The following ANOS1 variants were observed in gnomAD, a reference collection of about 807,000 sequenced individuals.
The protein encoded by ANOS1 is anosmin-1.
In ANOS1, 6 loss-of-function variants were observed where a neutral mutation model predicts 59.0. That is an observed-to-expected ratio of 0.10 (90% confidence interval 0.06 to 0.20). The LOEUF (loss-of-function observed/expected upper bound fraction) is 0.20, where lower values mean the gene tolerates loss of function less well. ANOS1 is among the 10% of genes least tolerant of loss of function. The probability of loss-of-function intolerance (pLI) is 1.00; values close to 1 mark genes in which losing one functional copy is unlikely to be tolerated. For synonymous variants in ANOS1, 217 were observed against 223.4 expected (o/e 0.97, Z 0.25); for missense variants, 433 against 542.3 (o/e 0.80, Z 2.00).
At chrX:8,581,456 C>T (rs750948041) in intron 6 of ANOS1, among the ~76,000 whole-genome samples, 1 of 111,773 alleles carries the variant, frequency 8.9e-6, no homozygotes, top group Admixed American at 9.5e-5. Context: ...TAATACAACA[C>T]CCAAAATTTA....
At chrX:8,660,092 A>G (rs1932011009) in intron 2 of ANOS1, among the ~76,000 whole-genome samples, 1 of 110,756 alleles carries the variant, frequency 9.0e-6, no homozygotes, top group Non-Finnish European at 1.9e-5. Flanking sequence ...CTTGACACCC[A>G]CTGAACACAG....
intron 1 of ANOS1, among the ~76,000 whole-genome samples, chrX:8,731,085 G>A (rs1436835599): frequency 1.8e-5 from 2 of 112,261 alleles, no homozygotes; most frequent in Non-Finnish European, 3.8e-5. Context: ...TTTGGGGGAC[G>A]GTTCCCCCGG....
chrX:8,658,314 G>A (rs1931967751), intron 2 of ANOS1, among the ~76,000 whole-genome samples: 1 of 111,675 alleles, frequency 9.0e-6, no homozygotes, highest in Admixed American at 9.5e-5. Context: ...CTTCCAATTA[G>A]CTAGCTCTTC....
intron 3 of ANOS1, 139 bp from the exon 4 acceptor site, chrX:8,597,395 T>G (rs1452762310): frequency 3.7e-6 from 2 of 534,961 alleles, no homozygotes; most frequent in Admixed American, 5.8e-5. Context: ...GTATTTGTTT[T>G]CTTTTCTCCT....
At chrX:8,593,916 CA>C (rs1260678380) in intron 4 of ANOS1, among the ~76,000 whole-genome samples, 1 of 111,636 alleles carries the variant, frequency 9.0e-6, no homozygotes, top group Non-Finnish European at 1.9e-5. Context: ...CTCAGCCTCC[CA>C]AAGTGCTGGG....
chrX:8,657,632 C>T (rs923420346), intron 2 of ANOS1, among the ~76,000 whole-genome samples: 3 of 109,751 alleles, frequency 2.7e-5, no homozygotes, highest in African/African-American at 1.0e-4. Flanking sequence ...CCACGCCAAA[C>T]AGATTTTTGT....
chrX:8,729,492 G>A (rs1218258514), intron 1 of ANOS1, among the ~76,000 whole-genome samples: 1 of 94,130 alleles, frequency 1.1e-5, no homozygotes, highest in Non-Finnish European at 2.1e-5. Context: ...GCTGCCTCCC[G>A]GGTTCAAGGA....
At position 8,638,126 on chromosome X, in the gene ANOS1, C is replaced by G. The variant is rs1030609451; in HGVS notation, c.256-14456G>C. ...AGCCTAGAGTCCATTCCTTCAACAC[C>G]TCTAATCATTTTAGAAGCATCTAAT... On this transcript the variant is annotated intron_variant, in intron 2 of 13. Transcript: ENST00000262648. 2.1e-4 allele frequency among the ~76,000 whole-genome samples: 23 copies of G among 111,803 alleles called. 1 individual carries two copies. The highest frequency in any genetic ancestry group is 7.5e-4 in the African/African-American group (23 of 30,747).
intron 8 of ANOS1, 63 bp downstream of exon 8, chrX:8,568,169 C>T: frequency 8.9e-7 from 1 of 1,128,408 alleles, no homozygotes; most frequent in Non-Finnish European, 1.2e-6. Context: ...TCCATTGTGC[C>T]TTGTTGTGAT....
chrX:8,640,519 G>T (rs1330397879), intron 2 of ANOS1, among the ~76,000 whole-genome samples: 1 of 98,837 alleles, frequency 1.0e-5, no homozygotes, highest in East Asian at 3.1e-4. Flanking sequence ...GGCCTCACTT[G>T]TTGCTCTAAA....
intron 2 of ANOS1, among the ~76,000 whole-genome samples, chrX:8,647,353 A>G (rs1273148307): frequency 9.0e-6 from 1 of 111,511 alleles, no homozygotes; most frequent in Non-Finnish European, 1.9e-5. Context: ...CCATAGGGAA[A>G]GGCATTCAGA....
At chrX:8,715,159 G>A (rs1296974186) in intron 1 of ANOS1, among the ~76,000 whole-genome samples, 19 of 112,566 alleles carry the variant, frequency 1.7e-4, no homozygotes. Context: ...TAGAATAGAT[G>A]ACTTGGAATT....
At chrX:8,670,477 C>T (rs1385306864) in intron 2 of ANOS1, among the ~76,000 whole-genome samples, 1 of 110,720 alleles carries the variant, frequency 9.0e-6, no homozygotes, top group East Asian at 2.8e-4. Flanking sequence ...CTCACCGAGG[C>T]CAACATTTCA....
At chrX:8,671,495 A>G (rs1212434536) in intron 2 of ANOS1, among the ~76,000 whole-genome samples, 1 of 110,580 alleles carries the variant, frequency 9.0e-6, no homozygotes, top group Non-Finnish European at 1.9e-5. Flanking sequence ...GGCACGGTCT[A>G]TATCTGTATG....
intron 2 of ANOS1, among the ~76,000 whole-genome samples, chrX:8,643,468 A>G (rs1256439513): frequency 1.5e-4 from 17 of 111,866 alleles, no homozygotes; most frequent in Non-Finnish European, 2.4e-4. Flanking sequence ...CCTACAAACC[A>G]TAAGTTCTCA....
intron 2 of ANOS1, among the ~76,000 whole-genome samples, chrX:8,675,495 A>C (rs1282113924): frequency 9.0e-6 from 1 of 110,917 alleles, no homozygotes; most frequent in Non-Finnish European, 1.9e-5. Flanking sequence ...AATAATGACA[A>C]CAGCAGCCTC....
intron 2 of ANOS1, among the ~76,000 whole-genome samples, chrX:8,641,987 T>C (rs1161318802): frequency 1.8e-5 from 2 of 111,475 alleles, no homozygotes; most frequent in African/African-American, 6.5e-5. Context: ...GTTTTATGTA[T>C]AAAATCTCAG....
chrX:8,714,235 T>G (rs1402681646), intron 1 of ANOS1, among the ~76,000 whole-genome samples: 1 of 111,571 alleles, frequency 9.0e-6, no homozygotes, highest in Non-Finnish European at 1.9e-5. Flanking sequence ...AAAGCAGACT[T>G]TAAAGGCACT....
intron 2 of ANOS1, among the ~76,000 whole-genome samples, chrX:8,666,862 C>T (rs900869036): frequency 9.0e-6 from 1 of 111,683 alleles, no homozygotes; most frequent in Non-Finnish European, 1.9e-5. Flanking sequence ...CAACTCACTT[C>T]ACCTTGTATG....
Sources: gnomAD v4.1 joint callset for allele counts (sites outside exome capture counted in the v4.1 genomes callset) on GRCh38, gnomAD v4.1.1 for gene constraint, MANE v1.5 for transcripts, NCBI Gene and HGNC (gene_info 2026-07-23, HGNC 2026-07-21) for gene names.